Variants in PHEX observed in about 807,000 individuals in gnomAD.
PHEX encodes the protein phosphate regulating endopeptidase X-linked, also known as phosphate-regulating neutral endopeptidase PHEX.
A neutral mutation model predicts 68.0 loss-of-function variants in PHEX; 16 were observed. That is an observed-to-expected ratio of 0.24 (90% CI 0.16 to 0.36). The LOEUF (loss-of-function observed/expected upper bound fraction) is 0.36, where lower values mean the gene tolerates loss of function less well. Ranked by LOEUF, PHEX falls within the 10% of genes least tolerant of loss-of-function variation. PHEX has a pLI of 1.00. For missense variants in PHEX, 480 were observed against 575.5 expected (o/e 0.83, Z 1.70); for synonymous variants, 208 against 205.1 (o/e 1.01, Z -0.12).
chrX:22,201,198 A>T (rs935590068), intron 15 of PHEX, among the ~76,000 whole-genome samples: 2 of 110,996 alleles, frequency 1.8e-5, no homozygotes, highest in African/African-American at 6.6e-5. Context: ...TGTTGTTGTG[A>T]CAGAGTCTCA....
At chrX:22,070,571 A>G (rs1215243322) in intron 3 of PHEX, among the ~76,000 whole-genome samples, 1 of 112,103 alleles carries the variant, frequency 8.9e-6, no homozygotes, top group Non-Finnish European at 1.9e-5. Flanking sequence ...CTGTAGTCCT[A>G]GCTACTTGGG....
chrX:22,181,152 A>G (rs550176598), intron 14 of PHEX, among the ~76,000 whole-genome samples: 4 of 111,546 alleles, frequency 3.6e-5, no homozygotes, highest in Middle Eastern at 4.7e-3. Flanking sequence ...AGGTAGCTCT[A>G]TTTTTAGTTG....
At chrX:22,084,486 T>A (rs1345668524) in intron 5 of PHEX, among the ~76,000 whole-genome samples, 1 of 110,820 alleles carries the variant, frequency 9.0e-6, no homozygotes, top group Non-Finnish European at 1.9e-5. Flanking sequence ...AGTTTTGGTA[T>A]CGGGGTAATG....
intron 3 of PHEX, among the ~76,000 whole-genome samples, 186 bp downstream of exon 3, chrX:22,047,397 A>G (rs1195738722): frequency 1.8e-5 from 2 of 112,540 alleles, no homozygotes; most frequent in African/African-American, 3.2e-5. Context: ...AGATCTCAAC[A>G]TAAGACTAAT....
chrX:22,054,919 G>A (rs1928006956), intron 3 of PHEX, among the ~76,000 whole-genome samples: 2 of 109,451 alleles, frequency 1.8e-5, no homozygotes, highest in Middle Eastern at 4.6e-3. Flanking sequence ...CACACCTGTA[G>A]TCCCAGCACT....
At position 22,190,444 on chromosome X, in the gene PHEX, G is replaced by C; in HGVS notation, c.1587G>C (p.Glu529Asp). ...FWLRKAVPKT[E>D]WFTNPTTVNA... is the part of the protein sequence containing the mutation. ...CTGGCATTTGTTTCTTTTTCTACAG[G>C]TGGTTTACAAATCCGACGACTGTCA... Residue 529 changes from glutamate (E) to aspartate (D), a missense_variant and splice_region_variant, in exon 15 of 22, where the codon GAG becomes GAC. Physicochemically the swap from Glu to Asp is conservative, Grantham distance 45. Transcript: ENST00000379374. The C allele has an allele frequency of 8.4e-7, 1 of 1,186,556 alleles. No individual in the cohort carries two copies.
chrX:22,130,401 G>C (rs1226166647), intron 11 of PHEX, among the ~76,000 whole-genome samples: 1 of 109,357 alleles, frequency 9.1e-6, no homozygotes, highest in East Asian at 2.9e-4. Flanking sequence ...AATTAGCTGG[G>C]CATGGTGGTG....
chrX:22,105,044 T>C (rs1236605260), intron 9 of PHEX, among the ~76,000 whole-genome samples: 2 of 111,911 alleles, frequency 1.8e-5, no homozygotes, highest in South Asian at 3.7e-4. Context: ...ACCTGGAAAA[T>C]GTGCTGTTAT....
At chrX:22,126,380 A>G (rs1383019332) in intron 11 of PHEX, among the ~76,000 whole-genome samples, 1 of 112,021 alleles carries the variant, frequency 8.9e-6, no homozygotes, top group East Asian at 2.8e-4. Context: ...ATGAGATAGG[A>G]TTTGAGTTGC....
At chrX:22,129,079 T>C (rs1931866613) in intron 11 of PHEX, among the ~76,000 whole-genome samples, 1 of 111,158 alleles carries the variant, frequency 9.0e-6, no homozygotes, top group Non-Finnish European at 1.9e-5. Flanking sequence ...CTTATGGTAT[T>C]GAACTCATGC....
At chrX:22,123,373 T>G (rs1346736730) in intron 11 of PHEX, among the ~76,000 whole-genome samples, 2 of 111,114 alleles carry the variant, frequency 1.8e-5, no homozygotes, top group Non-Finnish European at 3.8e-5. Context: ...GTCAGTGCTG[T>G]GTATCACAAA....
chrX:22,161,887 A>G (rs1423183664), intron 12 of PHEX, among the ~76,000 whole-genome samples: 2 of 111,949 alleles, frequency 1.8e-5, no homozygotes, highest in African/African-American at 6.5e-5. Context: ...TGAAGAATTA[A>G]TAATTTTGAT....
At chrX:22,203,222 C>T (rs1289186596) in intron 15 of PHEX, among the ~76,000 whole-genome samples, 1 of 110,619 alleles carries the variant, frequency 9.0e-6, no homozygotes, top group Non-Finnish European at 1.9e-5. Flanking sequence ...AAGGGAGGTT[C>T]TCTTTGTTGC....
intron 12 of PHEX, among the ~76,000 whole-genome samples, chrX:22,135,273 C>G (rs936553894): frequency 8.9e-6 from 1 of 112,083 alleles, no homozygotes; most frequent in Non-Finnish European, 1.9e-5. Context: ...GGGAAACTCT[C>G]CAGATGGTAG....
intron 15 of PHEX, among the ~76,000 whole-genome samples, chrX:22,195,792 G>A (rs1441856051): frequency 9.0e-6 from 1 of 111,386 alleles, no homozygotes; most frequent in Non-Finnish European, 1.9e-5. Context: ...GGTATTGACT[G>A]AGAGGAGGCA....
chrX:22,067,989 T>G (rs1240485260), intron 3 of PHEX, among the ~76,000 whole-genome samples: 1 of 110,188 alleles, frequency 9.1e-6, no homozygotes, highest in African/African-American at 3.3e-5. Context: ...TCCACCACCA[T>G]GCCCAGCTAA....
intron 15 of PHEX, among the ~76,000 whole-genome samples, chrX:22,193,591 A>G (rs1395096688): frequency 1.8e-5 from 2 of 111,791 alleles, no homozygotes; most frequent in Non-Finnish European, 3.8e-5. Flanking sequence ...TGTTTTTAGG[A>G]TTTGTTCGTG....
At chrX:22,052,425 G>A (rs901332607) in intron 3 of PHEX, among the ~76,000 whole-genome samples, 2 of 111,089 alleles carry the variant, frequency 1.8e-5, no homozygotes, top group South Asian at 3.8e-4. Context: ...ACAGGGTTTC[G>A]CCATGTTTGC....
intron 12 of PHEX, among the ~76,000 whole-genome samples, chrX:22,139,883 C>T (rs1205697276): frequency 1.8e-5 from 2 of 110,557 alleles, no homozygotes; most frequent in Admixed American, 9.7e-5. Context: ...GATATCTTAC[C>T]GGAGTGATTT....
Sources: allele counts gnomAD v4.1 joint callset (sites outside exome capture counted in the v4.1 genomes callset), GRCh38; gene constraint gnomAD v4.1.1; transcripts MANE v1.5; gene names NCBI Gene and HGNC (gene_info 2026-07-23, HGNC 2026-07-21).